Variants in FLNB observed in about 807,000 individuals in gnomAD.
FLNB encodes filamin B, also known as filamin-B.
FLNB carries 111 observed loss-of-function variants against 250.6 expected under a neutral mutation model. The observed-to-expected ratio is 0.44, with a 90% CI of 0.38 to 0.52. The LOEUF (loss-of-function observed/expected upper bound fraction) is 0.52. Ranked by LOEUF, FLNB falls within the 20% of genes least tolerant of loss-of-function variation. The pLI, the probability that FLNB is intolerant of heterozygous loss-of-function variation, is 0.00. For missense variants in FLNB, 2,869 were observed against 3,447.8 expected (o/e 0.83, Z 4.20); for synonymous variants, 1,302 against 1,372.1 (o/e 0.95, Z 1.13).
chr3:58,129,137 A>G (rs1244685521), intron 24 of FLNB, among the ~76,000 whole-genome samples: 1 of 152,062 alleles, frequency 6.6e-6, no homozygotes, highest in Non-Finnish European at 1.5e-5. Context: ...AAAAACCCGG[A>G]GTGGAGTTAT....
chr3:58,052,366 A>G (rs1209466305), intron 1 of FLNB, among the ~76,000 whole-genome samples: 1 of 152,154 alleles, frequency 6.6e-6, no homozygotes, highest in Non-Finnish European at 1.5e-5. Flanking sequence ...ACAGGGTCCA[A>G]AACTACTCTT....
At chr3:58,112,086 G>T (rs926767606) in intron 17 of FLNB, 63 bp from the exon 18 acceptor site, 1 of 1,509,472 alleles carries the variant, frequency 6.6e-7, no homozygotes, top group South Asian at 1.2e-5. Context: ...CCTGTCTGAC[G>T]GGTTCTCAAA....
chr3:58,155,706 G>C (rs2097352298), intron 40 of FLNB, among the ~76,000 whole-genome samples: 1 of 152,138 alleles, frequency 6.6e-6, no homozygotes, highest in African/African-American at 2.4e-5. Flanking sequence ...TTTCCCCATT[G>C]AAGTCCATGG....
chr3:58,049,547 C>T (rs1378819288), intron 1 of FLNB, among the ~76,000 whole-genome samples: 1 of 152,188 alleles, frequency 6.6e-6, no homozygotes, highest in Admixed American at 6.5e-5. Flanking sequence ...GTCAGGGCTC[C>T]AGTTTTGGTA....
In FLNB at chr3:58,106,724, G is replaced by A. The variant is rs776030392; in HGVS notation, c.1792G>A (p.Asp598Asn). ...CTCTCAGGCAAAGATTGAGTACAAC[G>A]ACCAGAATGATGGATCGTGTGATGT... is the stretch of plus-strand genomic sequence containing the variant. ...GPSQAKIEYN[D>N]QNDGSCDVKY... Residue 598 changes from aspartate to asparagine, a missense_variant, in exon 12 of 46, where the codon GAC (aspartate) becomes AAC (asparagine). This residue lies in a region of FLNB where 1,348 missense variants were observed against 1,466.7 expected (regional missense o/e 0.92). Transcript: ENST00000295956. 29 of 1,614,118 alleles carry A rather than the reference G, an allele frequency of 1.8e-5. No individual in the cohort carries two copies. The highest frequency in any genetic ancestry group is 7.7e-5 in the South Asian group (7 of 91,068).
At chr3:58,033,085 C>G (rs1019836170) in intron 1 of FLNB, among the ~76,000 whole-genome samples, 1 of 152,114 alleles carries the variant, frequency 6.6e-6, no homozygotes, top group African/African-American at 2.4e-5. Flanking sequence ...TCTCCCCACC[C>G]CTGCCAAGAA....
At chr3:58,079,433 A>G (rs995562085) in intron 3 of FLNB, among the ~76,000 whole-genome samples, 1 of 152,024 alleles carries the variant, frequency 6.6e-6, no homozygotes, top group Non-Finnish European at 1.5e-5. Context: ...TTGTATTTTT[A>G]GTAGAGACAG....
Position 58,148,690 on chromosome 3 carries a change from A to T in FLNB, c.5929A>T (p.Ser1977Cys). 1 of 1,614,152 alleles carries T rather than the reference A, an allele frequency of 6.2e-7. No individual in the cohort carries two copies. ...CCGGGAAGTGGGCGAACATCTGGTC[A>T]GCATCAAGAAAAATGGCAACCATGT... is the stretch of plus-strand genomic sequence containing the variant. Reference protein sequence around the residue: ...IPREVGEHLVSIKKNGNHVAN... With the variant: ...IPREVGEHLVCIKKNGNHVAN... Residue 1977 changes from serine (S) to cysteine (C), a missense_variant, in exon 36 of 46, where the codon AGC becomes TGC. This residue lies in a region of FLNB where 1,084 missense variants were observed against 1,315.5 expected (regional missense o/e 0.82). Coordinates refer to ENST00000295956, the MANE Select transcript of FLNB (RefSeq NM_001457.4).
chr3:58,058,322 T>C (rs1187556617), intron 1 of FLNB, among the ~76,000 whole-genome samples: 1 of 152,208 alleles, frequency 6.6e-6, no homozygotes, highest in Non-Finnish European at 1.5e-5. Context: ...CATAATTTGA[T>C]GTTCCAGTTG....
chr3:58,118,388 G>GGCACTGGGT (rs1294446572), intron 18 of FLNB, among the ~76,000 whole-genome samples: 1 of 152,178 alleles, frequency 6.6e-6, no homozygotes, highest in African/African-American at 2.4e-5. Flanking sequence ...TGCACTGGCT[G>GGCACTGGGT]GCACTGGGTA....
chr3:58,159,212 A>C (rs997044043), intron 41 of FLNB, among the ~76,000 whole-genome samples: 1 of 152,156 alleles, frequency 6.6e-6, no homozygotes. Context: ...AAAAGAGGAC[A>C]CTTTTTTGAC....
intron 18 of FLNB, among the ~76,000 whole-genome samples, chr3:58,113,611 G>A (rs935605744): frequency 7.2e-5 from 11 of 152,184 alleles, no homozygotes; most frequent in African/African-American, 2.2e-4. Flanking sequence ...TCTGTGTGTC[G>A]TGTTATAAAT....
Position 58,136,001 on chromosome 3 carries a change from G to A in FLNB, c.4694G>A (p.Arg1565Lys). ...QITDQEGKPK[R>K]AIVHDNKDGT... is the part of the protein sequence containing the mutation. The stretch of plus-strand genomic sequence containing the variant: ...CAGGACCAAGAAGGAAAACCCAAAA[G>A]AGCCATTGTCCATGACAATAAAGAT... Residue 1565 changes from arginine to lysine, a missense_variant, in exon 28 of 46, where the codon AGA (arginine) becomes AAA (lysine). Arg to Lys is a conservative substitution (Grantham distance 26). Around this residue, in one of 5 missense-constraint regions of FLNB, gnomAD observed 126 missense variants for 182.0 expected, o/e 0.69. Coordinates refer to ENST00000295956, the MANE Select transcript of FLNB (RefSeq NM_001457.4). The A allele has an allele frequency of 6.2e-7, 1 of 1,614,138 alleles. No individual in the cohort carries two copies. The highest frequency in any genetic ancestry group is 1.3e-5 in the African/African-American group (1 of 75,038).
In FLNB at chr3:58,156,477, A is replaced by T. The variant is rs542023497; in HGVS notation, c.6888+402A>T. Reference sequence around the variant, plus strand: ...TTGGCTGCCTTTCTTCAAGAAAGTCAGTTGCAACTTACTGTGATTCATTAA... The same window carrying T: ...TTGGCTGCCTTTCTTCAAGAAAGTCTGTTGCAACTTACTGTGATTCATTAA... On this transcript the variant is annotated intron_variant, in intron 41 of 45. Transcript: ENST00000295956. Among the ~76,000 whole-genome samples the T allele has an allele frequency of 9.8e-5, 15 of 152,332 alleles. 1 individual carries two copies. In the South Asian group the frequency reaches 3.1e-3, roughly 32 times the overall value.
At position 58,050,801 on chromosome 3, in the gene FLNB, G is replaced by T. The variant is rs78678272; in HGVS notation, c.293-26245G>T. Among the ~76,000 whole-genome samples, 357 of 152,346 alleles carry T rather than the reference G, an allele frequency of 2.3e-3. 2 individuals carry two copies. The highest frequency in any genetic ancestry group is 8.3e-3 in the African/African-American group (344 of 41,586). ...CAGGTCCTCTGTGCCCCCTTCCACAGCTTCCTCTGGGGCCCTTCTGCTCAC... is the reference window on the plus strand; with the variant it reads ...CAGGTCCTCTGTGCCCCCTTCCACATCTTCCTCTGGGGCCCTTCTGCTCAC... On this transcript the variant is annotated intron_variant, in intron 1 of 45. Coordinates refer to ENST00000295956, the MANE Select transcript of FLNB (RefSeq NM_001457.4).
Position 58,098,915 on chromosome 3 carries a change from G to A in FLNB, c.1345+7G>A, listed in dbSNP as rs889844977. On this transcript the variant is annotated splice_region_variant and intron_variant, in intron 8 of 45. Transcript: ENST00000295956. ...GTTGTGCAGGTTGGGGAAGGTGAGTGCTGGGCTGCTGGCCACATGTGCTTC... is the reference window on the plus strand; with the variant it reads ...GTTGTGCAGGTTGGGGAAGGTGAGTACTGGGCTGCTGGCCACATGTGCTTC... 1 of 1,612,412 alleles carries A rather than the reference G, an allele frequency of 6.2e-7. No individual in the cohort carries two copies. Among genetic ancestry groups the A allele is most frequent in the African/African-American group, 1.3e-5 (1 of 74,852 alleles).
rs1483199148 is a variant in FLNB, at chr3:58,153,270, G to A, written c.6368-105G>A. ...GAAGCCTGGGCACCTCACGTCCACC[G>A]GGCTGCACACACCTTGCTCTCGGCT... On this transcript the variant is annotated intron_variant, in intron 38 of 45. Transcript: ENST00000295956. The A allele has an allele frequency of 1.3e-5, 18 of 1,335,932 alleles. No homozygotes were observed. In the Middle Eastern group the frequency reaches 8.0e-4, roughly 60 times the overall value. The allele number at this position is 1,335,932 out of a possible 1,614,324, so 82.8% of individuals were successfully genotyped here.
At chr3:58,111,733 C>T in intron 16 of FLNB, 58 bp from the exon 17 acceptor site, 1 of 1,318,360 alleles carries the variant, frequency 7.6e-7, no homozygotes, top group Non-Finnish European at 1.1e-6. Context: ...TTGAAGGCTC[C>T]CTGAGCTCTG....
At chr3:58,154,271 G>A (rs1023272216) in intron 39 of FLNB, among the ~76,000 whole-genome samples, 5 of 152,158 alleles carry the variant, frequency 3.3e-5, no homozygotes, top group Non-Finnish European at 7.4e-5. Context: ...GGCTGGGCGT[G>A]GTGGCTCACA....
Sources: gnomAD v4.1 joint callset for allele counts (sites outside exome capture counted in the v4.1 genomes callset) on GRCh38, gnomAD v4.1.1 for gene constraint, gnomAD v4.1.1 regional missense constraint, MANE v1.5 for transcripts, NCBI Gene and HGNC (gene_info 2026-07-23, HGNC 2026-07-21) for gene names.